The following DGKB variants were observed in gnomAD, a reference collection of about 807,000 sequenced individuals.
DGKB encodes 90 kDa diacylglycerol kinase.
In DGKB, 67 loss-of-function variants were observed where a neutral mutation model predicts 114.3. The observed-to-expected ratio is 0.59, with a 90% CI of 0.48 to 0.72. The LOEUF (loss-of-function observed/expected upper bound fraction) is 0.72. Among genes scored for constraint, DGKB ranks in the 30% least tolerant of loss-of-function variants. The probability of loss-of-function intolerance (pLI) is 0.00; values close to 1 mark genes in which losing one functional copy is unlikely to be tolerated. For synonymous variants in DGKB, 398 were observed against 323.1 expected (o/e 1.23, Z -2.49); for missense variants, 907 against 975.2 (o/e 0.93, Z 0.93).
chr7:14,757,520 A>G lies in DGKB; in HGVS notation c.147+135T>C, dbSNP rs115451400. 1,635 of 553,366 alleles carry G rather than the reference A, an allele frequency of 3.0e-3. 25 individuals carry two copies. The highest frequency in any genetic ancestry group is 0.028 in the African/African-American group (1,414 of 50,696). 34.3% of individuals were successfully genotyped at this position (553,366 alleles called of 1,614,324 possible). On this transcript the variant is annotated intron_variant, in intron 3 of 25. Coordinates refer to ENST00000402815, the MANE Select transcript of DGKB (RefSeq NM_001350709.2). The stretch of plus-strand genomic sequence containing the variant: ...CACATACACATATACATACATCTGT[A>G]TCATACATATATAATGTATATGTGT...
At chr7:14,667,006 G>T (rs186709748) in intron 13 of DGKB, among the ~76,000 whole-genome samples, 1 of 152,028 alleles carries the variant, frequency 6.6e-6, no homozygotes, top group Non-Finnish European at 1.5e-5. Context: ...CAGAGTAGTT[G>T]ATTTTAACCC....
chr7:14,423,923 C>T lies in DGKB; in HGVS notation c.1835+54238G>A, dbSNP rs189238351. Among the ~76,000 whole-genome samples, 74 of 152,160 alleles carry T rather than the reference C, an allele frequency of 4.9e-4. 2 individuals are homozygous for T. The East Asian group carries it at 5.0e-3, about 10-fold the overall frequency. On this transcript the variant is annotated intron_variant, in intron 21 of 25. Coordinates refer to ENST00000402815, the MANE Select transcript of DGKB (RefSeq NM_001350709.2). ...ATCTTTATCATTTAGTTGTCTTCTA[C>T]ATGTCATTTAAATCAACCAGTAAAA...
intron 23 of DGKB, among the ~76,000 whole-genome samples, chr7:14,320,691 A>G (rs887236919): frequency 6.6e-6 from 1 of 152,122 alleles, no homozygotes; most frequent in Non-Finnish European, 1.5e-5. Context: ...ATTGACCTAT[A>G]ATAGAATCAT....
intron 23 of DGKB, among the ~76,000 whole-genome samples, chr7:14,323,720 C>T (rs974159473): frequency 3.3e-5 from 5 of 152,118 alleles, no homozygotes; most frequent in African/African-American, 1.2e-4. Flanking sequence ...CCTACTTGGG[C>T]TTGAGTAGAG....
At chr7:14,568,785 C>G (rs2128696643) in intron 20 of DGKB, among the ~76,000 whole-genome samples, 1 of 152,268 alleles carries the variant, frequency 6.6e-6, no homozygotes, top group Non-Finnish European at 1.5e-5. Context: ...AAATTGGAGG[C>G]AAGGTTCTTT....
At chr7:14,559,545 C>G (rs1796346749) in intron 20 of DGKB, among the ~76,000 whole-genome samples, 1 of 152,232 alleles carries the variant, frequency 6.6e-6, no homozygotes, top group African/African-American at 2.4e-5. Context: ...CTATTACCTA[C>G]AGCATATGCC....
At chr7:14,280,828 C>CCAGGCCTG (rs1219870064) in intron 23 of DGKB, among the ~76,000 whole-genome samples, 1 of 150,918 alleles carries the variant, frequency 6.6e-6, no homozygotes, top group African/African-American at 2.4e-5. Context: ...TTTGTCACCA[C>CCAGGCCTG]CAGGCCTGCC....
At chr7:14,171,113 T>C (rs1012413839) in intron 25 of DGKB, among the ~76,000 whole-genome samples, 14 of 152,094 alleles carry the variant, frequency 9.2e-5, no homozygotes, top group Non-Finnish European at 1.8e-4. Context: ...AATTGCACAA[T>C]GAAGGTAGTT....
At chr7:14,973,543 T>C (rs1787617876) in intron 1 of DGKB, among the ~76,000 whole-genome samples, 3 of 149,610 alleles carry the variant, frequency 2.0e-5, no homozygotes, top group Admixed American at 2.0e-4. Context: ...TTTTTCTTTT[T>C]TTTTTCTTTT....
chr7:14,310,648 C>A (rs1253002299), intron 23 of DGKB, among the ~76,000 whole-genome samples: 1 of 152,146 alleles, frequency 6.6e-6, no homozygotes, highest in Non-Finnish European at 1.5e-5. Context: ...GATTCTCAGA[C>A]TTTTAATTGA....
At chr7:14,395,234 G>A (rs905875010) in intron 21 of DGKB, among the ~76,000 whole-genome samples, 1 of 152,036 alleles carries the variant, frequency 6.6e-6, no homozygotes, top group African/African-American at 2.4e-5. Context: ...AAATCTTATA[G>A]TGCCTTTGAT....
At chr7:14,164,507 C>A (rs1188337547) in intron 25 of DGKB, among the ~76,000 whole-genome samples, 1 of 152,186 alleles carries the variant, frequency 6.6e-6, no homozygotes, top group African/African-American at 2.4e-5. Flanking sequence ...TGCGGATAAA[C>A]TTCATCGCAC....
intron 21 of DGKB, among the ~76,000 whole-genome samples, chr7:14,379,839 TGA>T (rs1563061025): frequency 7.3e-5 from 11 of 151,078 alleles, no homozygotes; most frequent in Non-Finnish European, 1.2e-4. Flanking sequence ...ATTACAGGCG[TGA>T]GCGAGCGGGC....
At chr7:14,326,032 G>T (rs1287966221) in intron 23 of DGKB, among the ~76,000 whole-genome samples, 1 of 150,940 alleles carries the variant, frequency 6.6e-6, no homozygotes, top group African/African-American at 2.4e-5. Context: ...TAGGTTATGA[G>T]ACAGACCTGG....
At chr7:14,166,451 A>G (rs1488591095) in intron 25 of DGKB, among the ~76,000 whole-genome samples, 2 of 152,194 alleles carry the variant, frequency 1.3e-5, no homozygotes. Context: ...TGAAATCTCC[A>G]AGTCAGCACG....
At chr7:14,396,523 A>C (rs993949014) in intron 21 of DGKB, among the ~76,000 whole-genome samples, 11 of 152,118 alleles carry the variant, frequency 7.2e-5, no homozygotes, top group Admixed American at 7.2e-4. Context: ...GTTCACCTCA[A>C]AGCTGAAAAC....
At chr7:14,629,336 T>C (rs1427827326) in intron 14 of DGKB, among the ~76,000 whole-genome samples, 1 of 152,104 alleles carries the variant, frequency 6.6e-6, no homozygotes, top group African/African-American at 2.4e-5. Flanking sequence ...TATGTCCAAG[T>C]ATTTTTGAGT....
chr7:14,466,708 C>G (rs930390917), intron 21 of DGKB, among the ~76,000 whole-genome samples: 1 of 151,428 alleles, frequency 6.6e-6, no homozygotes, highest in African/African-American at 2.4e-5. Context: ...GTCCCAGCTA[C>G]TTAGGAGGCT....
intron 23 of DGKB, among the ~76,000 whole-genome samples, chr7:14,262,008 T>G (rs1024109674): frequency 8.5e-5 from 13 of 152,344 alleles, no homozygotes; most frequent in Non-Finnish European, 1.0e-4. Context: ...CAGAAGACTT[T>G]GAATGAATCC....
Sources: gnomAD v4.1 joint callset for allele counts (sites outside exome capture counted in the v4.1 genomes callset) on GRCh38, gnomAD v4.1.1 for gene constraint, MANE v1.5 for transcripts, NCBI Gene and HGNC (gene_info 2026-07-23, HGNC 2026-07-21) for gene names.